ASH1L: variants seen among roughly 807,000 people sequenced by gnomAD.
The protein encoded by ASH1L is ASH1 like histone lysine methyltransferase.
ASH1L carries 23 observed loss-of-function variants against 269.0 expected under a neutral mutation model. The observed-to-expected ratio is 0.09, with a 90% CI of 0.06 to 0.12. ASH1L has a LOEUF of 0.12. Among genes scored for constraint, ASH1L ranks in the 10% least tolerant of loss-of-function variants. ASH1L has a pLI of 1.00. For missense variants in ASH1L, 2,912 were observed against 3,567.8 expected (o/e 0.82, Z 4.68); for synonymous variants, 1,187 against 1,253.5 (o/e 0.95, Z 1.12).
intron 10 of ASH1L, among the ~76,000 whole-genome samples, chr1:155,372,950 T>C (rs964339903): frequency 2.0e-5 from 3 of 152,050 alleles, no homozygotes; most frequent in Non-Finnish European, 2.9e-5. Context: ...CAGTGGCTCA[T>C]GCCTGTAATC....
At chr1:155,386,401 GTTTT>G (rs1657433067) in intron 7 of ASH1L, among the ~76,000 whole-genome samples, 1 of 151,500 alleles carries the variant, frequency 6.6e-6, no homozygotes. Flanking sequence ...TATTATTGTT[GTTTT>G]GAGACGGAGT....
intron 10 of ASH1L, among the ~76,000 whole-genome samples, chr1:155,372,361 T>G (rs943107355): frequency 2.0e-5 from 3 of 151,392 alleles, no homozygotes; most frequent in African/African-American, 7.3e-5. Context: ...CAGGCTGGAG[T>G]GCAGTGGCTA....
intron 9 of ASH1L, 30 bp downstream of exon 9, chr1:155,378,473 G>A (rs749392147): frequency 8.7e-6 from 14 of 1,612,014 alleles, no homozygotes; most frequent in Non-Finnish European, 1.2e-5. Context: ...AACGTATAGA[G>A]GCAGAAAAAA....
At chr1:155,424,219 T>A (rs963561700) in intron 5 of ASH1L, among the ~76,000 whole-genome samples, 2 of 152,164 alleles carry the variant, frequency 1.3e-5, no homozygotes, top group Non-Finnish European at 2.9e-5. Flanking sequence ...GTAAAAACGA[T>A]GAGAAATAAA....
intron 10 of ASH1L, among the ~76,000 whole-genome samples, chr1:155,372,300 T>C (rs1379245064): frequency 4.0e-5 from 6 of 150,846 alleles, no homozygotes; most frequent in Non-Finnish European, 7.4e-5. Context: ...CCAGTTTTTT[T>C]TTTTTTTAAT....
intron 1 of ASH1L, among the ~76,000 whole-genome samples, chr1:155,559,252 G>C (rs1444244491): frequency 6.6e-6 from 1 of 152,084 alleles, no homozygotes; most frequent in Non-Finnish European, 1.5e-5. Flanking sequence ...AAAAACACCA[G>C]ATGAGGCCGG....
Position 155,357,697 on chromosome 1 carries a change from C to G in ASH1L, c.6848G>C (p.Ser2283Thr). 6.2e-7 allele frequency: 1 copy of G among 1,614,148 alleles called. No individual in the cohort carries two copies. Among genetic ancestry groups the G allele is most frequent in the Non-Finnish European group, 8.5e-7 (1 of 1,180,020 alleles). Residue 2283 changes from serine (S) to threonine (T), a missense_variant, in exon 14 of 28, where the codon AGT (serine) becomes ACT (threonine). Ser to Thr is a moderately conservative substitution (Grantham distance 58). Transcript: ENST00000392403. ...EKCRGIIGGK[S>T]QRVNGLTSSK... The stretch of plus-strand genomic sequence containing the variant: ...GCTGGTGAGTCCATTCACACGCTGA[C>G]TCTTGCCTCCGATGATTCCTCGACA...
intron 3 of ASH1L, among the ~76,000 whole-genome samples, chr1:155,473,641 C>T (rs950774588): frequency 2.0e-5 from 3 of 151,874 alleles, no homozygotes; most frequent in South Asian, 2.1e-4. Flanking sequence ...GGACTACAGG[C>T]GTATGCCATC....
At chr1:155,526,339 CAA>C (rs1384805824) in intron 1 of ASH1L, among the ~76,000 whole-genome samples, 2 of 152,304 alleles carry the variant, frequency 1.3e-5, no homozygotes, top group African/African-American at 2.4e-5. Flanking sequence ...AAACTATACA[CAA>C]GTTTTTTCTT....
chr1:155,437,330 A>C (rs1318563581), intron 5 of ASH1L, among the ~76,000 whole-genome samples: 1 of 152,242 alleles, frequency 6.6e-6, no homozygotes, highest in Non-Finnish European at 1.5e-5. Flanking sequence ...ATAAATGGCC[A>C]ATAAGCGTAT....
chr1:155,540,905 C>G (rs1415268616), intron 1 of ASH1L, among the ~76,000 whole-genome samples: 3 of 152,196 alleles, frequency 2.0e-5, no homozygotes, highest in Admixed American at 6.5e-5. Context: ...CTGCCTGGAA[C>G]TCTCTTCCAG....
chr1:155,361,613 C>T (rs914730263), intron 12 of ASH1L, among the ~76,000 whole-genome samples: 1 of 145,572 alleles, frequency 6.9e-6, no homozygotes, highest in East Asian at 2.0e-4. Context: ...GCAGGAGAAT[C>T]GCTTGAACCC....
At chr1:155,374,267 GTGAGCCGAGATGGT>G (rs975318175) in intron 10 of ASH1L, among the ~76,000 whole-genome samples, 4 of 152,146 alleles carry the variant, frequency 2.6e-5, no homozygotes, top group Non-Finnish European at 5.9e-5. Context: ...AGAGGCTGCA[GTGAGCCGAGATGGT>G]GCCACTGCAC....
intron 7 of ASH1L, among the ~76,000 whole-genome samples, chr1:155,392,930 C>T (rs970981179): frequency 1.3e-5 from 2 of 151,834 alleles, no homozygotes; most frequent in African/African-American, 4.8e-5. Context: ...TCAAGGGATC[C>T]GCCCACCTCA....
At chr1:155,517,793 C>CTTTTTTT (rs780065449) in intron 2 of ASH1L, among the ~76,000 whole-genome samples, 23 of 70,940 alleles carry the variant, frequency 3.2e-4, no homozygotes, top group South Asian at 5.8e-4. Context: ...CCAATAATTT[C>CTTTTTTT]TTTTTTTTTT....
At chr1:155,529,713 G>C (rs1337615473) in intron 1 of ASH1L, among the ~76,000 whole-genome samples, 1 of 152,108 alleles carries the variant, frequency 6.6e-6, no homozygotes, top group Non-Finnish European at 1.5e-5. Flanking sequence ...TTCAGATCAT[G>C]TCACTCCTCT....
chr1:155,517,642 AAAAC>A (rs143180872), intron 2 of ASH1L, among the ~76,000 whole-genome samples: 2,093 of 150,350 alleles, frequency 0.014, 32 homozygotes, highest in African/African-American at 0.042. Context: ...GACTCCATCT[AAAAC>A]AAACAAACAA....
At chr1:155,433,367 T>C (rs2148601605) in intron 5 of ASH1L, 2 of 1,594,932 alleles carry the variant, frequency 1.3e-6, no homozygotes, top group East Asian at 4.6e-5. Flanking sequence ...GATTCCCCCA[T>C]GCCCCCCGCT....
At chr1:155,341,025 G>A (rs1018220731) in intron 25 of ASH1L, among the ~76,000 whole-genome samples, 30 of 152,088 alleles carry the variant, frequency 2.0e-4, no homozygotes, top group Admixed American at 6.5e-5. Context: ...AAGCTGGAGT[G>A]CAATGGCGCG....
Sources: gnomAD v4.1 joint callset for allele counts (sites outside exome capture counted in the v4.1 genomes callset) on GRCh38, gnomAD v4.1.1 for gene constraint, MANE v1.5 for transcripts, NCBI Gene and HGNC (gene_info 2026-07-23, HGNC 2026-07-21) for gene names.